The following BCL7A variants were observed in gnomAD, a reference collection of about 807,000 sequenced individuals.
BCL7A encodes B-cell CLL/lymphoma 7 protein family member A.
Under a neutral mutation model 28.4 loss-of-function variants are expected in BCL7A, and 11 were observed. The ratio of observed to expected loss-of-function variants is 0.39; its 90% CI spans 0.24 to 0.64. BCL7A has a LOEUF of 0.64. BCL7A is among the 30% of genes least tolerant of loss of function. The pLI is 0.50. For synonymous variants in BCL7A, 123 were observed against 103.3 expected, an observed-to-expected ratio of 1.19 and a Z score of -1.15; for missense variants, 222 against 274.8, an observed-to-expected ratio of 0.81 and a Z score of 1.36.
chr12:122,061,294 G>A lies in BCL7A; in HGVS notation c.*2131G>A, dbSNP rs374305163. ...CCTGCCGTTGACCGCAGCCTCTCTGGACAGGCAAGGGGAGTTGGCGCAGGT... is the reference window on the plus strand; with the variant it reads ...CCTGCCGTTGACCGCAGCCTCTCTGAACAGGCAAGGGGAGTTGGCGCAGGT... On this transcript the variant is annotated 3_prime_UTR_variant, in exon 6 of 6. Coordinates refer to ENST00000261822, the MANE Select transcript of BCL7A (RefSeq NM_001024808.3). The A allele has an allele frequency of 5.6e-5, 13 of 231,408 alleles. No individual in the cohort carries two copies. In the East Asian group the frequency reaches 6.7e-4, roughly 12 times the overall value. 14.3% of individuals were successfully genotyped at this position (231,408 alleles called of 1,614,324 possible).
chr12:122,044,325 A>G, intron 4 of BCL7A: 2 of 361,422 alleles, frequency 5.5e-6, no homozygotes, highest in Non-Finnish European at 1.0e-5. Flanking sequence ...CCTGGGCAAC[A>G]TAGCAAGACC....
chr12:122,044,442 G>A (rs1210965945), intron 4 of BCL7A: 4 of 177,778 alleles, frequency 2.3e-5, no homozygotes, highest in African/African-American at 9.5e-5. Flanking sequence ...AGGAGGTCAA[G>A]ACTACTACAG....
rs1593023857 is a variant in BCL7A at position 122,030,717 on chromosome 12, C to A, written c.110C>A (p.Thr37Asn). Residue 37 changes from threonine to asparagine, a missense_variant, in exon 2 of 6, where the codon ACC becomes AAC. This residue lies in a region of BCL7A where 67 missense variants were observed against 129.1 expected (regional missense o/e 0.52). Coordinates refer to ENST00000261822, the MANE Select transcript of BCL7A (RefSeq NM_001024808.3). ...CTCCTCAGGGAGAAGAAATGGGTGA[C>A]CGTTGGTGACACATCCCTACGAATC... Reference protein sequence around the residue: ...KVRKWEKKWVTVGDTSLRIYK... With the variant: ...KVRKWEKKWVNVGDTSLRIYK... 6.8e-6 allele frequency: 11 copies of A among 1,613,900 alleles called. No individual in the cohort carries two copies. The highest frequency in any genetic ancestry group is 9.3e-6 in the Non-Finnish European group (11 of 1,179,926).
Position 122,021,916 on chromosome 12 carries a change from T to TTG in BCL7A, c.-164_-163dup, listed in dbSNP as rs72047889. On this transcript the variant is annotated 5_prime_UTR_variant, in exon 1 of 6. Transcript: ENST00000261822. Reference sequence around the variant, plus strand: ...GCCAGGCGCGCGGCGGCCCCGGGCTTTGTGTGTGTGTGTATGTGTGTGTGT... The same window carrying TTG: ...GCCAGGCGCGCGGCGGCCCCGGGCTTTGTGTGTGTGTGTGTATGTGTGTGTGT... 1,813 of 353,708 alleles carry TTG rather than the reference T, an allele frequency of 5.1e-3. 18 individuals carry two copies. The highest frequency in any genetic ancestry group is 0.03 in the Admixed American group (593 of 20,090). The allele number at this position is 353,708 out of a possible 1,614,324, so 21.9% of individuals were successfully genotyped here.
Position 122,028,933 on chromosome 12 carries a change from G to T in BCL7A, c.93-1767G>T, listed in dbSNP as rs559673754. ...TTGCTCAGAATTGAGGAGGGGAAAG[G>T]TGGGCATTGTGGTTTGTCTGCTCTG... On this transcript the variant is annotated intron_variant, in intron 1 of 5. Transcript: ENST00000261822. Among the ~76,000 whole-genome samples the T allele has an allele frequency of 1.6e-3, 239 of 152,298 alleles. 1 individual carries two copies. The highest frequency in any genetic ancestry group is 2.5e-3 in the Non-Finnish European group (169 of 68,028).
chr12:122,055,085 TCCTGGGCTCTGC>T (rs1022759866), intron 5 of BCL7A, 159 bp downstream of exon 5: 6 of 1,433,378 alleles, frequency 4.2e-6, no homozygotes, highest in East Asian at 4.6e-5. Context: ...ATGAACACAG[TCCTGGGCTCTGC>T]CTTGGGCTCT....
At chr12:122,044,166 C>T (rs1346872388) in intron 4 of BCL7A, 113 bp downstream of exon 4, 1 of 1,277,880 alleles carries the variant, frequency 7.8e-7, no homozygotes, top group East Asian at 2.5e-5. Context: ...AGCAAGGAGA[C>T]AGTAAAGAGA....
chr12:122,035,319 T>C lies in BCL7A; in HGVS notation c.175-12T>C, dbSNP rs775957684. ...TCTGGTGACTTGGTTTCTGCTCCAT[T>C]TTCCCCTGCAGAAAAACAAGAATAA... On this transcript the variant is annotated splice_polypyrimidine_tract_variant and intron_variant, in intron 2 of 5. Transcript: ENST00000261822. 10 of 1,612,278 alleles carry C rather than the reference T, an allele frequency of 6.2e-6. No homozygotes were observed. The South Asian group carries it at 9.9e-5, about 16-fold the overall frequency.
At chr12:122,044,193 C>T in intron 4 of BCL7A, 140 bp downstream of exon 4, 1 of 982,848 alleles carries the variant, frequency 1.0e-6, no homozygotes, top group African/African-American at 1.6e-5. Flanking sequence ...ACCTGGAGTA[C>T]ATGGTCTCGT....
At chr12:122,049,744 A>G (rs1212873148) in intron 4 of BCL7A, among the ~76,000 whole-genome samples, 1 of 151,936 alleles carries the variant, frequency 6.6e-6, no homozygotes, top group Non-Finnish European at 1.5e-5. Flanking sequence ...TTTGTTTTGC[A>G]CATGCAGTCC....
chr12:122,037,843 G>A (rs1883886675), intron 3 of BCL7A, among the ~76,000 whole-genome samples: 1 of 152,230 alleles, frequency 6.6e-6, no homozygotes, highest in Non-Finnish European at 1.5e-5. Context: ...CAGCTAGTCG[G>A]GAGGCTGAGG....
intron 3 of BCL7A, among the ~76,000 whole-genome samples, chr12:122,043,060 C>T (rs968909573): frequency 3.3e-5 from 5 of 151,386 alleles, no homozygotes; most frequent in South Asian, 4.2e-4. Context: ...GACCACGTGT[C>T]CCGTGGAATA....
Position 122,027,065 on chromosome 12 carries a change from A to G in BCL7A, c.93-3635A>G, listed in dbSNP as rs558483969. Among the ~76,000 whole-genome samples, 42 of 152,254 alleles carry G rather than the reference A, an allele frequency of 2.8e-4. 1 individual carries two copies. The South Asian group carries it at 7.3e-3, about 26-fold the overall frequency. On this transcript the variant is annotated intron_variant, in intron 1 of 5. Transcript: ENST00000261822. ...CGCCAAGACAGGAGGCGCGGGGCAC[A>G]CCCAGGGCCAGCTTTGCAGCAAGTT...
chr12:122,038,448 A>C (rs1245700673), intron 3 of BCL7A, among the ~76,000 whole-genome samples: 2 of 150,754 alleles, frequency 1.3e-5, no homozygotes, highest in Non-Finnish European at 3.0e-5. Flanking sequence ...AAAAAAAAAA[A>C]AAAAAAAAAA....
intron 3 of BCL7A, among the ~76,000 whole-genome samples, chr12:122,037,790 A>T (rs1032011813): frequency 6.6e-6 from 1 of 151,848 alleles, no homozygotes; most frequent in Non-Finnish European, 1.5e-5. Context: ...CTACTAAAAA[A>T]TTTACAAAAT....
chr12:122,030,868 C>T (rs575016608), intron 2 of BCL7A, 87 bp downstream of exon 2: 16 of 1,366,018 alleles, frequency 1.2e-5, no homozygotes, highest in Non-Finnish European at 1.6e-5. Flanking sequence ...CTGCTACCCA[C>T]CGTGCTGGGG....
At chr12:122,023,342 T>G (rs1883519879) in intron 1 of BCL7A, among the ~76,000 whole-genome samples, 1 of 152,186 alleles carries the variant, frequency 6.6e-6, no homozygotes, top group Admixed American at 6.5e-5. Context: ...CTCGACCCTT[T>G]ATTTCGAGCC....
In BCL7A at chr12:122,035,446, C is replaced by T. The variant is rs1469432954; in HGVS notation, c.271+19C>T. On this transcript the variant is annotated intron_variant, in intron 3 of 5. Coordinates refer to ENST00000261822, the MANE Select transcript of BCL7A (RefSeq NM_001024808.3). ...ATGCATGGTGAGTGCCCATGGCCTG[C>T]CAGCCTCTCCTGCCCAGCCCGGGGC... 1.9e-6 allele frequency: 3 copies of T among 1,602,780 alleles called. No homozygotes were observed. Among genetic ancestry groups the T allele is most frequent in the Non-Finnish European group, 2.6e-6 (3 of 1,170,244 alleles).
chr12:122,022,244 C>T (rs2135832848), intron 1 of BCL7A, 61 bp downstream of exon 1: 2 of 1,106,074 alleles, frequency 1.8e-6, no homozygotes, highest in African/African-American at 1.7e-5. Context: ...AGCGCGGCTC[C>T]AGAGAGCCGC....
Sources: allele counts gnomAD v4.1 joint callset (sites outside exome capture counted in the v4.1 genomes callset), GRCh38; gene constraint gnomAD v4.1.1; regional missense constraint gnomAD v4.1.1; transcripts MANE v1.5; gene names NCBI Gene and HGNC (gene_info 2026-07-23, HGNC 2026-07-21).